The following ARK2C variants were observed in gnomAD, a reference collection of about 807,000 sequenced individuals.
The protein encoded by ARK2C is arkadia (RNF111) C-terminal like ring finger ubiquitin ligase 2C.
the ARK2C span, among the ~76,000 whole-genome samples, chr18:46,444,926 T>G: frequency 2.0e-5 from 3 of 151,272 alleles, no homozygotes; most frequent in African/African-American, 7.3e-5. Flanking sequence ...AAATATCTCC[T>G]CTTCTATATA....
the ARK2C span, among the ~76,000 whole-genome samples, chr18:46,395,832 G>A: frequency 6.6e-6 from 1 of 152,216 alleles, no homozygotes; most frequent in African/African-American, 2.4e-5. Context: ...GTGGTGATGG[G>A]AGGAAGGAGT....
chr18:46,435,413 C>G, the ARK2C span: 3 of 1,584,170 alleles, frequency 1.9e-6, no homozygotes, highest in Non-Finnish European at 2.6e-6. Flanking sequence ...CTTCAGGGCC[C>G]CTGGGGGAGG....
chr18:46,364,436 C>T, the ARK2C span, among the ~76,000 whole-genome samples: 3 of 151,372 alleles, frequency 2.0e-5, no homozygotes, highest in Non-Finnish European at 1.5e-5. Context: ...AGTCGTAGAA[C>T]ACGCATTCTA....
At chr18:46,406,214 C>T in the ARK2C span, among the ~76,000 whole-genome samples, 1 of 152,310 alleles carries the variant, frequency 6.6e-6, no homozygotes, top group African/African-American at 2.4e-5. Flanking sequence ...ACTTCCACTC[C>T]CAATAGCTCT....
At chr18:46,346,356 ATTCACAGTACTG>A in the ARK2C span, among the ~76,000 whole-genome samples, 7 of 152,238 alleles carry the variant, frequency 4.6e-5, no homozygotes, top group Non-Finnish European at 7.3e-5. Context: ...CATTACGTAC[ATTCACAGTACTG>A]TGCGAACATC....
the ARK2C span, among the ~76,000 whole-genome samples, chr18:46,410,191 T>C: frequency 6.6e-6 from 1 of 152,216 alleles, no homozygotes; most frequent in African/African-American, 2.4e-5. Context: ...TCCCATTTCT[T>C]AAGGCCCCAA....
the ARK2C span, among the ~76,000 whole-genome samples, chr18:46,339,911 T>C: frequency 1.3e-5 from 2 of 152,226 alleles, no homozygotes; most frequent in Non-Finnish European, 2.9e-5. Flanking sequence ...TTTAAATAAG[T>C]ATCCTGCAGT....
At chr18:46,396,426 G>T in the ARK2C span, among the ~76,000 whole-genome samples, 1 of 152,188 alleles carries the variant, frequency 6.6e-6, no homozygotes, top group Non-Finnish European at 1.5e-5. Context: ...TACCTGCCCA[G>T]ACACAGAGCA....
At chr18:46,335,548 C>G in the ARK2C span, 1 of 152,862 alleles carries the variant, frequency 6.5e-6, no homozygotes, top group Non-Finnish European at 1.5e-5. Flanking sequence ...TCCACGTCTG[C>G]TTAAATCCCT....
chr18:46,349,897 C>G, the ARK2C span, among the ~76,000 whole-genome samples: 6 of 152,172 alleles, frequency 3.9e-5, no homozygotes, highest in African/African-American at 1.4e-4. Flanking sequence ...CTATGGGCCC[C>G]ATGCAATATG....
At chr18:46,411,649 C>G in the ARK2C span, among the ~76,000 whole-genome samples, 1 of 152,184 alleles carries the variant, frequency 6.6e-6, no homozygotes, top group African/African-American at 2.4e-5. Context: ...CAGGGAGGGG[C>G]ACTTGGATCT....
the ARK2C span, chr18:46,337,252 C>G: frequency 1.2e-5 from 12 of 985,282 alleles, no homozygotes; most frequent in African/African-American, 3.5e-5. Context: ...AGAATCCCAG[C>G]AAAATGGTTT....
chr18:46,355,743 TCCAC>T, the ARK2C span, among the ~76,000 whole-genome samples: 85,599 of 151,594 alleles, frequency 0.56, 25,338 homozygotes, highest in Non-Finnish European at 0.65. Flanking sequence ...CCTCTATCTC[TCCAC>T]CCATCATGTG....
chr18:46,456,462 T>C, the ARK2C span: 4 of 1,276,020 alleles, frequency 3.1e-6, no homozygotes, highest in South Asian at 4.8e-5. Context: ...GTGTCCCTGC[T>C]CCGCTCAGTG....
the ARK2C span, among the ~76,000 whole-genome samples, chr18:46,444,545 G>A: frequency 6.6e-6 from 1 of 151,988 alleles, no homozygotes; most frequent in African/African-American, 2.4e-5. Flanking sequence ...GCTCATTGTA[G>A]CCTCAACTTC....
the ARK2C span, among the ~76,000 whole-genome samples, chr18:46,347,125 C>T: frequency 1.3e-5 from 2 of 152,188 alleles, no homozygotes; most frequent in African/African-American, 4.8e-5. Context: ...AGGACTGGAG[C>T]TGTTCCCCGA....
At chr18:46,420,016 G>A in the ARK2C span, among the ~76,000 whole-genome samples, 1,015 of 152,184 alleles carry the variant, frequency 6.7e-3, 11 homozygotes, top group African/African-American at 0.024. Flanking sequence ...CATGAGCAGT[G>A]ATGGTTGGGA....
the ARK2C span, among the ~76,000 whole-genome samples, chr18:46,425,090 T>C: frequency 6.6e-6 from 1 of 152,218 alleles, no homozygotes; most frequent in Non-Finnish European, 1.5e-5. Context: ...ATCAGGGCCC[T>C]GCCTCCAGTG....
At chr18:46,455,827 T>C in the ARK2C span, 1 of 588,418 alleles carries the variant, frequency 1.7e-6, no homozygotes, top group Non-Finnish European at 3.0e-6. Flanking sequence ...ACAGCAAGAA[T>C]CAGTCTCAAA....
Sources: gnomAD v4.1 joint callset for allele counts (sites outside exome capture counted in the v4.1 genomes callset) on GRCh38, gnomAD v4.1.1 for gene constraint, MANE v1.5 for transcripts, NCBI Gene and HGNC (gene_info 2026-07-23, HGNC 2026-07-21) for gene names.